PTPRD: variants seen among roughly 807,000 people sequenced by gnomAD.
PTPRD encodes the protein receptor-type tyrosine-protein phosphatase delta.
Under a neutral mutation model 214.5 loss-of-function variants are expected in PTPRD, and 34 were observed. The observed-to-expected ratio is 0.16, with a 90% CI of 0.12 to 0.21. PTPRD has a LOEUF of 0.21. PTPRD is among the 10% of genes least tolerant of loss of function. The pLI is 1.00. For synonymous variants in PTPRD, 1,128 were observed against 845.7 expected (o/e 1.33, Z -5.79); for missense variants, 2,545 against 2,398.7 (o/e 1.06, Z -1.27).
chr9:8,853,882 G>A lies in PTPRD; in HGVS notation c.-103-119936C>T, dbSNP rs189556268. On this transcript the variant is annotated intron_variant, in intron 11 of 45. Transcript: ENST00000381196. ...TTTCAAAGAAACTGAACAGTAGAAA[G>A]ATGAAATAACAACAAAAAAAGGTAA... Among the ~76,000 whole-genome samples the A allele has an allele frequency of 8.1e-4, 124 of 152,178 alleles. 1 individual carries two copies. Among genetic ancestry groups the A allele is most frequent in the Non-Finnish European group, 1.9e-4 (13 of 67,972 alleles).
intron 11 of PTPRD, among the ~76,000 whole-genome samples, chr9:8,940,667 G>C (rs891264778): frequency 6.6e-6 from 1 of 151,704 alleles, no homozygotes; most frequent in African/African-American, 2.4e-5. Context: ...CCTCCCACCT[G>C]GGAACTTTCT....
intron 9 of PTPRD, among the ~76,000 whole-genome samples, chr9:9,243,873 T>A (rs968544460): frequency 6.6e-6 from 1 of 152,186 alleles, no homozygotes; most frequent in African/African-American, 2.4e-5. Context: ...GGTGACATGA[T>A]TGTATATCTA....
rs188180204 is a variant in PTPRD at position 10,185,094 on chromosome 9, T to C, written c.-544-151304A>G. On this transcript the variant is annotated intron_variant, in intron 3 of 45. Transcript: ENST00000381196. ...TGTAAAAATATATATTTAAAAAAAATCTACCAGCTCTTTTGTAACACTATT... is the reference window on the plus strand; with the variant it reads ...TGTAAAAATATATATTTAAAAAAAACCTACCAGCTCTTTTGTAACACTATT... 5.3e-3 allele frequency among the ~76,000 whole-genome samples: 804 copies of C among 152,298 alleles called. 2 individuals carry two copies. Among genetic ancestry groups the C allele is most frequent in the Non-Finnish European group, 8.0e-3 (544 of 68,026 alleles).
At chr9:8,543,386 T>C (rs918592357) in intron 14 of PTPRD, among the ~76,000 whole-genome samples, 3 of 152,250 alleles carry the variant, frequency 2.0e-5, no homozygotes, top group Middle Eastern at 3.4e-3. Context: ...CACGAGTGGA[T>C]GGTTTTGATG....
chr9:10,156,078 TTGTGTGTGTGTG>T lies in PTPRD; in HGVS notation c.-544-122300_-544-122289del, dbSNP rs71485323. 5.6e-3 allele frequency among the ~76,000 whole-genome samples: 742 copies of T among 132,634 alleles called. 2 individuals carry two copies. Among genetic ancestry groups the T allele is most frequent in the African/African-American group, 0.015 (545 of 35,342 alleles). The allele number at this position is 132,634 out of a possible 152,430, so 87.0% of individuals were successfully genotyped here. A position where few individuals can be genotyped will look rare whatever the true frequency, so the allele number is the denominator to read the frequency against. ...ATGGATTTTTTGCTCTTTTGAATGT[TTGTGTGTGTGTG>T]TGTGTGTGTGTGTGTGTGTGTGTGT... On this transcript the variant is annotated intron_variant, in intron 3 of 45. Transcript: ENST00000381196.
chr9:8,819,140 C>A (rs541724840), intron 11 of PTPRD, among the ~76,000 whole-genome samples: 1 of 152,290 alleles, frequency 6.6e-6, no homozygotes, highest in Admixed American at 6.5e-5. Flanking sequence ...AAATCACTAT[C>A]TTTGGTGATA....
chr9:8,320,046 C>T (rs2130735983), intron 44 of PTPRD, 80 bp from the exon 45 acceptor site: 1 of 1,523,250 alleles, frequency 6.6e-7, no homozygotes, highest in South Asian at 1.3e-5. Flanking sequence ...GGACATACTT[C>T]TACCAGCTTC....
At chr9:10,420,838 C>CT (rs541224726) in intron 2 of PTPRD, among the ~76,000 whole-genome samples, 12 of 150,968 alleles carry the variant, frequency 7.9e-5, no homozygotes, top group African/African-American at 2.2e-4. Flanking sequence ...TAGGTACCTT[C>CT]TTTTTTTTTA....
intron 10 of PTPRD, among the ~76,000 whole-genome samples, chr9:9,146,247 A>C (rs539083475): frequency 1.3e-5 from 2 of 151,602 alleles, no homozygotes; most frequent in South Asian, 4.2e-4. Flanking sequence ...GCTAAAAGTA[A>C]ATTTGTTATT....
At chr9:10,031,450 T>G (rs1463145779) in intron 4 of PTPRD, among the ~76,000 whole-genome samples, 1 of 151,298 alleles carries the variant, frequency 6.6e-6, no homozygotes. Flanking sequence ...AAGGCGAGAC[T>G]GTCCCAGCCT....
intron 2 of PTPRD, among the ~76,000 whole-genome samples, chr9:10,472,956 G>A (rs115356869): frequency 9.0e-4 from 137 of 151,894 alleles, no homozygotes; most frequent in African/African-American, 3.2e-3. Flanking sequence ...CATATAAATT[G>A]TTTACTTAAT....
chr9:9,574,134 G>A (rs751412912), intron 8 of PTPRD, among the ~76,000 whole-genome samples: 1 of 151,852 alleles, frequency 6.6e-6, no homozygotes, highest in Non-Finnish European at 1.5e-5. Context: ...TCATATTTAT[G>A]TATATTCTGT....
At chr9:8,956,992 A>G (rs1339563813) in intron 11 of PTPRD, among the ~76,000 whole-genome samples, 1 of 151,840 alleles carries the variant, frequency 6.6e-6, no homozygotes, top group Non-Finnish European at 1.5e-5. Context: ...CCCTGCGTTA[A>G]TGGCAGTAAG....
At chr9:9,760,024 G>A (rs1364842267) in intron 6 of PTPRD, among the ~76,000 whole-genome samples, 3 of 152,056 alleles carry the variant, frequency 2.0e-5, no homozygotes, top group Non-Finnish European at 4.4e-5. Flanking sequence ...TGCTTAACTA[G>A]ATTGCCAAGA....
At chr9:9,823,053 T>C (rs560334017) in intron 5 of PTPRD, among the ~76,000 whole-genome samples, 2 of 152,190 alleles carry the variant, frequency 1.3e-5, no homozygotes, top group South Asian at 4.1e-4. Context: ...ATAGCCAATA[T>C]ATGGAATCAA....
chr9:9,724,720 T>C (rs1365050608), intron 7 of PTPRD, among the ~76,000 whole-genome samples: 1 of 152,174 alleles, frequency 6.6e-6, no homozygotes, highest in Non-Finnish European at 1.5e-5. Flanking sequence ...TTGTAAGCAC[T>C]ACAAAAGTTG....
intron 2 of PTPRD, among the ~76,000 whole-genome samples, chr9:10,373,378 T>C (rs1213545100): frequency 6.6e-6 from 1 of 152,078 alleles, no homozygotes; most frequent in Non-Finnish European, 1.5e-5. Flanking sequence ...CTTGGACAGT[T>C]CTTGGAATCT....
chr9:9,947,544 ATATATATT>A (rs2092896453), intron 4 of PTPRD, among the ~76,000 whole-genome samples: 1 of 35,970 alleles, frequency 2.8e-5, no homozygotes, highest in Non-Finnish European at 4.2e-5. Flanking sequence ...TATATATAAT[ATATATATT>A]ATATATATAT....
intron 9 of PTPRD, among the ~76,000 whole-genome samples, chr9:9,194,989 G>GTC (rs1237584201): frequency 6.6e-6 from 1 of 150,962 alleles, no homozygotes; most frequent in Non-Finnish European, 1.5e-5. Flanking sequence ...CCCTACGTGT[G>GTC]TGTGTGTGTG....
Sources: gnomAD v4.1 joint callset for allele counts (sites outside exome capture counted in the v4.1 genomes callset) on GRCh38, gnomAD v4.1.1 for gene constraint, MANE v1.5 for transcripts, NCBI Gene and HGNC (gene_info 2026-07-23, HGNC 2026-07-21) for gene names.